Variants in TAS2R1 observed in about 807,000 individuals in gnomAD.
TAS2R1 encodes taste receptor type 2 member 1.
For synonymous variants in TAS2R1, 141 were observed against 134.2 expected, an observed-to-expected ratio of 1.05 and a Z score of -0.35; for missense variants, 370 against 353.4, an observed-to-expected ratio of 1.05 and a Z score of -0.38.
the TAS2R1 span, among the ~76,000 whole-genome samples, chr5:9,818,564 G>A: frequency 6.6e-6 from 1 of 152,228 alleles, no homozygotes; most frequent in East Asian, 1.9e-4. Flanking sequence ...GGGCCAGGGT[G>A]ATGGGTGACT....
the TAS2R1 span, among the ~76,000 whole-genome samples, chr5:9,875,461 T>C: frequency 6.6e-6 from 1 of 152,238 alleles, no homozygotes; most frequent in Non-Finnish European, 1.5e-5. Context: ...TGGTCCAACC[T>C]GTGCCATATG....
chr5:9,792,787 G>A, the TAS2R1 span, among the ~76,000 whole-genome samples: 5 of 152,178 alleles, frequency 3.3e-5, no homozygotes, highest in South Asian at 1.0e-3. Flanking sequence ...ATAAAAAATA[G>A]GACTCACTGA....
At chr5:9,702,415 A>AC (rs1377013890) in intron 1 of TAS2R1, among the ~76,000 whole-genome samples, 1 of 152,126 alleles carries the variant, frequency 6.6e-6, no homozygotes, top group African/African-American at 2.4e-5. Flanking sequence ...GATGCTGCTA[A>AC]ACATCCTAAA....
chr5:9,702,388 T>A (rs1193173002), intron 1 of TAS2R1, among the ~76,000 whole-genome samples: 1 of 152,124 alleles, frequency 6.6e-6, no homozygotes, highest in Non-Finnish European at 1.5e-5. Context: ...GCAACTGGCA[T>A]CTAGGTAAAG....
At chr5:9,833,004 G>C in the TAS2R1 span, among the ~76,000 whole-genome samples, 4 of 152,142 alleles carry the variant, frequency 2.6e-5, no homozygotes, top group East Asian at 7.7e-4. Context: ...AGGTAAGGCG[G>C]GACGACAAGA....
chr5:9,628,444 T>G lies in TAS2R1; in HGVS notation c.*689A>C, dbSNP rs1254091293. Among the ~76,000 whole-genome samples, 3 of 152,150 alleles carry G rather than the reference T, an allele frequency of 2.0e-5. No individual in the cohort carries two copies. The highest frequency in any genetic ancestry group is 4.4e-5 in the Non-Finnish European group (3 of 68,028). ...GCATTCAGTCCTCTACTCCTCCTCC[T>G]CCTCCATCTGTCTTCCCCTTTATCA... On this transcript the variant is annotated 3_prime_UTR_variant, in exon 1 of 1. Coordinates refer to ENST00000382492, the MANE Select transcript of TAS2R1 (RefSeq NM_019599.3).
chr5:9,707,807 G>T (rs930595807), intron 1 of TAS2R1, among the ~76,000 whole-genome samples: 3 of 152,058 alleles, frequency 2.0e-5, no homozygotes, highest in African/African-American at 7.2e-5. Flanking sequence ...GAGGTGGTGC[G>T]AAATAACTGA....
At chr5:9,758,983 G>T in the TAS2R1 span, among the ~76,000 whole-genome samples, 1 of 152,174 alleles carries the variant, frequency 6.6e-6, no homozygotes, top group Admixed American at 6.5e-5. Flanking sequence ...AGAACATGCA[G>T]CTGGAATGGT....
chr5:9,886,689 G>A, the TAS2R1 span, among the ~76,000 whole-genome samples: 3 of 151,918 alleles, frequency 2.0e-5, no homozygotes, highest in Non-Finnish European at 4.4e-5. Context: ...CCTATATGAA[G>A]ACATAAATAC....
chr5:9,811,674 C>T, the TAS2R1 span, among the ~76,000 whole-genome samples: 1 of 152,168 alleles, frequency 6.6e-6, no homozygotes, highest in East Asian at 1.9e-4. Context: ...ATTACCATGA[C>T]TTTAACAACA....
At chr5:9,807,554 A>G in the TAS2R1 span, among the ~76,000 whole-genome samples, 1 of 152,174 alleles carries the variant, frequency 6.6e-6, no homozygotes, top group Non-Finnish European at 1.5e-5. Context: ...TCTACATACC[A>G]TGGAATACTA....
the TAS2R1 span, among the ~76,000 whole-genome samples, chr5:9,790,166 G>A: frequency 6.6e-6 from 1 of 152,184 alleles, no homozygotes; most frequent in South Asian, 2.1e-4. Flanking sequence ...TTCAACAAAT[G>A]TTACAATCTA....
chr5:9,835,601 A>G, the TAS2R1 span, among the ~76,000 whole-genome samples: 8 of 152,240 alleles, frequency 5.3e-5, no homozygotes, highest in Non-Finnish European at 1.2e-4. Flanking sequence ...GACATCATAC[A>G]GCCAGACCTC....
the TAS2R1 span, among the ~76,000 whole-genome samples, chr5:9,798,739 G>A: frequency 2.0e-5 from 3 of 152,202 alleles, no homozygotes; most frequent in Non-Finnish European, 4.4e-5. Flanking sequence ...CAGGCTTGAA[G>A]TCCGCTTTGG....
At chr5:9,704,921 T>C (rs1345596687) in intron 1 of TAS2R1, among the ~76,000 whole-genome samples, 1 of 152,258 alleles carries the variant, frequency 6.6e-6, no homozygotes, top group Non-Finnish European at 1.5e-5. Context: ...TCTAGCAATC[T>C]ATCCAACAGG....
At chr5:9,746,107 A>C in the TAS2R1 span, among the ~76,000 whole-genome samples, 1 of 152,232 alleles carries the variant, frequency 6.6e-6, no homozygotes, top group African/African-American at 2.4e-5. Context: ...TAGGCAAAGC[A>C]TATGAACAGA....
chr5:9,791,849 A>G, the TAS2R1 span, among the ~76,000 whole-genome samples: 1 of 152,244 alleles, frequency 6.6e-6, no homozygotes, highest in African/African-American at 2.4e-5. Context: ...TAGAGGACGC[A>G]TGCAGATAGA....
the TAS2R1 span, among the ~76,000 whole-genome samples, chr5:9,903,239 C>G: frequency 6.6e-6 from 1 of 152,004 alleles, no homozygotes; most frequent in Non-Finnish European, 1.5e-5. Context: ...AGTGAAAAAA[C>G]CTACAAGTAA....
chr5:9,634,552 A>G (rs1339442194), upstream of TAS2R1, among the ~76,000 whole-genome samples: 1 of 152,120 alleles, frequency 6.6e-6, no homozygotes, highest in East Asian at 1.9e-4. Context: ...GGTCATTTTC[A>G]TAATATTGAT....
Sources: allele counts gnomAD v4.1 joint callset (sites outside exome capture counted in the v4.1 genomes callset), GRCh38; gene constraint gnomAD v4.1.1; transcripts MANE v1.5; gene names NCBI Gene and HGNC (gene_info 2026-07-23, HGNC 2026-07-21).